ZNF705G: variants seen among roughly 807,000 people sequenced by gnomAD.
ZNF705G encodes putative zinc finger protein 705G.
ZNF705G carries 23 observed loss-of-function variants against 19.6 expected under a neutral mutation model. The ratio of observed to expected loss-of-function variants is 1.17; its 90% CI spans 0.84 to 1.66. The LOEUF is 1.66. Ranked by LOEUF, ZNF705G falls within the 40% of genes most tolerant of loss-of-function variation. The pLI is 0.00. For missense variants in ZNF705G, 457 were observed against 354.4 expected (o/e 1.29, Z -2.32); for synonymous variants, 146 against 117.7 (o/e 1.24, Z -1.56).
rs182900540 is a variant in ZNF705G, at chr8:7,362,244, T to C, written c.12+691A>G. Reference sequence around the variant, plus strand: ...CATAATTAAATAATTATATTTCTTATATGTTACTTTTACTTACCAGAAGGC... The same window carrying C: ...CATAATTAAATAATTATATTTCTTACATGTTACTTTTACTTACCAGAAGGC... On this transcript the variant is annotated intron_variant, in intron 3 of 6. Coordinates refer to ENST00000400156, the MANE Select transcript of ZNF705G (RefSeq NM_001164457.3). 5.1e-3 allele frequency among the ~76,000 whole-genome samples: 769 copies of C among 149,902 alleles called. 93 individuals carry two copies. The highest frequency in any genetic ancestry group is 0.018 in the African/African-American group (712 of 39,280).
rs571900867 is a variant in ZNF705G at position 7,367,981 on chromosome 8, C to T, written c.-71-4964G>A. On this transcript the variant is annotated intron_variant, in intron 2 of 6. Coordinates refer to ENST00000400156, the MANE Select transcript of ZNF705G (RefSeq NM_001164457.3). The stretch of plus-strand genomic sequence containing the variant: ...TTGGAGGATGCAGTGAACTTATCTA[C>T]CTTCCAAGGCAAGTCCCACAAGCAA... Among the ~76,000 whole-genome samples the T allele has an allele frequency of 2.0e-5, 3 of 149,784 alleles. 1 individual carries two copies. The highest frequency in any genetic ancestry group is 7.7e-5 in the African/African-American group (3 of 39,194).
chr8:7,383,022 A>G, intron 1 of ZNF705G, among the ~76,000 whole-genome samples: 1 of 148,310 alleles, frequency 6.7e-6, no homozygotes, highest in Non-Finnish European at 1.5e-5. Flanking sequence ...TATAAATGAG[A>G]GCACTTGGTT....
chr8:7,359,582 A>G, intron 6 of ZNF705G, 37 bp downstream of exon 6: 1 of 1,603,208 alleles, frequency 6.2e-7, no homozygotes, highest in Non-Finnish European at 8.5e-7. Flanking sequence ...ACATGTCTTT[A>G]ACTTAGATGA....
chr8:7,378,789 C>G (rs1807354022), intron 2 of ZNF705G, among the ~76,000 whole-genome samples: 1 of 146,042 alleles, frequency 6.8e-6, no homozygotes, highest in Admixed American at 6.6e-5. Flanking sequence ...ATTGGGCCCA[C>G]CTGGATAATC....
At position 7,375,988 on chromosome 8, in the gene ZNF705G, C is replaced by T. The variant is rs560646943; in HGVS notation, c.-72+5464G>A. Among the ~76,000 whole-genome samples the T allele has an allele frequency of 2.3e-5, 2 of 86,198 alleles. 1 individual carries two copies. Among genetic ancestry groups the T allele is most frequent in the African/African-American group, 1.1e-4 (2 of 17,970 alleles). 56.5% of individuals were successfully genotyped at this position (86,198 alleles called of 152,430 possible). A position where few individuals can be genotyped will look rare whatever the true frequency, so the allele number is the denominator to read the frequency against. On this transcript the variant is annotated intron_variant, in intron 2 of 6. Coordinates refer to ENST00000400156, the MANE Select transcript of ZNF705G (RefSeq NM_001164457.3). ...TCTACACTATACTAATCTCTTATGA[C>T]TCTTCCAGCTGCAAAGGGCCAATTT...
intron 6 of ZNF705G, among the ~76,000 whole-genome samples, chr8:7,359,046 T>C (rs1806438715): frequency 6.7e-6 from 1 of 149,668 alleles, no homozygotes; most frequent in Admixed American, 6.6e-5. Context: ...TGTCATCTTA[T>C]GTAAAAAAAT....
In ZNF705G at chr8:7,361,252, C is replaced by T; in HGVS notation, c.13-16G>A. On this transcript the variant is annotated splice_polypyrimidine_tract_variant and intron_variant, in intron 3 of 6. Coordinates refer to ENST00000400156, the MANE Select transcript of ZNF705G (RefSeq NM_001164457.3). ...TCAGTTTCTTCTAAAACATCACAGA[C>T]ATTTTAGTTTAGACAGAGAAATTCC... 6.3e-7 allele frequency: 1 copy of T among 1,592,512 alleles called. No individual in the cohort carries two copies. Among genetic ancestry groups the T allele is most frequent in the Non-Finnish European group, 8.5e-7 (1 of 1,179,292 alleles).
At chr8:7,360,994 T>C in intron 4 of ZNF705G, 116 bp downstream of exon 4, 3 of 1,566,558 alleles carry the variant, frequency 1.9e-6, no homozygotes, top group Admixed American at 1.7e-5. Context: ...TCAGATGAGA[T>C]CTGTGAGAGA....
At chr8:7,382,406 G>T (rs1807538206) in intron 1 of ZNF705G, among the ~76,000 whole-genome samples, 1 of 146,430 alleles carries the variant, frequency 6.8e-6, no homozygotes, top group South Asian at 2.1e-4. Flanking sequence ...GAGGTTTGGT[G>T]CCTTTTTTCC....
At chr8:7,359,739 A>G (rs1158828475) in intron 5 of ZNF705G, 38 bp from the exon 6 acceptor site, 2 of 1,604,966 alleles carry the variant, frequency 1.2e-6, no homozygotes, top group Non-Finnish European at 1.7e-6. Flanking sequence ...CATTGGTATT[A>G]TGGTAATAAA....
In ZNF705G at chr8:7,364,611, C is replaced by T. The variant is rs1404508393; in HGVS notation, c.-71-1594G>A. Among the ~76,000 whole-genome samples the T allele has an allele frequency of 6.9e-4, 104 of 149,754 alleles. 4 individuals carry two copies. Among genetic ancestry groups the T allele is most frequent in the African/African-American group, 1.5e-3 (59 of 39,130 alleles). On this transcript the variant is annotated intron_variant, in intron 2 of 6. Coordinates refer to ENST00000400156, the MANE Select transcript of ZNF705G (RefSeq NM_001164457.3). The stretch of plus-strand genomic sequence containing the variant: ...TTGACAAAATTACTCCCCTAACCAA[C>T]GTTCTCTATGATTCTGGGGACTCCA...
rs1209899304 is a variant in ZNF705G, at chr8:7,356,855, T to A, written c.*1121A>T. 1 of 149,986 alleles carries A rather than the reference T, an allele frequency of 6.7e-6. No individual in the cohort carries two copies. Among genetic ancestry groups the A allele is most frequent in the African/African-American group, 2.5e-5 (1 of 39,326 alleles). 9.3% of individuals were successfully genotyped at this position (149,986 alleles called of 1,614,324 possible). On this transcript the variant is annotated 3_prime_UTR_variant, in exon 7 of 7. Coordinates refer to ENST00000400156, the MANE Select transcript of ZNF705G (RefSeq NM_001164457.3). Reference sequence around the variant, plus strand: ...TGTAAGTATTGATCTTTTGGAAAAGTTTAATGAGATTTCTTATATAATTCT... The same window carrying A: ...TGTAAGTATTGATCTTTTGGAAAAGATTAATGAGATTTCTTATATAATTCT...
chr8:7,379,371 A>G lies in ZNF705G; in HGVS notation c.-72+2081T>C, dbSNP rs981444578. Among the ~76,000 whole-genome samples the G allele has an allele frequency of 1.8e-4, 26 of 147,526 alleles. 4 individuals carry two copies. The highest frequency in any genetic ancestry group is 6.5e-4 in the African/African-American group (24 of 36,980). On this transcript the variant is annotated intron_variant, in intron 2 of 6. Transcript: ENST00000400156. ...TTGCACTATATAACATTTATTTCTT[A>G]GAAAAGAAGCAGTTTGGACACGTAT...
rs1384571240 is a variant in ZNF705G at position 7,368,630 on chromosome 8, T to C, written c.-71-5613A>G. Among the ~76,000 whole-genome samples, 35 of 149,892 alleles carry C rather than the reference T, an allele frequency of 2.3e-4. 1 individual carries two copies. Among genetic ancestry groups the C allele is most frequent in the Non-Finnish European group, 4.0e-4 (27 of 68,028 alleles). ...TTTGGGTAACTAAAAGGAAAGCAGA[T>C]GCTAATAGAAGAAAATGAAGAAAGG... On this transcript the variant is annotated intron_variant, in intron 2 of 6. Coordinates refer to ENST00000400156, the MANE Select transcript of ZNF705G (RefSeq NM_001164457.3).
intron 6 of ZNF705G, among the ~76,000 whole-genome samples, chr8:7,358,963 C>T (rs1806434543): frequency 6.7e-6 from 1 of 149,618 alleles, no homozygotes; most frequent in African/African-American, 2.6e-5. Context: ...GATTGTCTCC[C>T]TGCCCCATTT....
At chr8:7,367,186 G>C (rs1386798044) in intron 2 of ZNF705G, among the ~76,000 whole-genome samples, 1 of 149,522 alleles carries the variant, frequency 6.7e-6, no homozygotes, top group Non-Finnish European at 1.5e-5. Flanking sequence ...TGGGACAAAT[G>C]TCTAATGATA....
chr8:7,372,260 T>G (rs1270396493), intron 2 of ZNF705G, among the ~76,000 whole-genome samples: 3 of 151,988 alleles, frequency 2.0e-5, no homozygotes, highest in African/African-American at 7.3e-5. Context: ...AAAAATATCA[T>G]GAGATGGAAC....
In ZNF705G at chr8:7,369,130, A is replaced by G. The variant is rs540957526; in HGVS notation, c.-71-6113T>C. 4.7e-4 allele frequency among the ~76,000 whole-genome samples: 70 copies of G among 149,614 alleles called. 5 individuals carry two copies. The highest frequency in any genetic ancestry group is 1.7e-3 in the African/African-American group (68 of 39,010). ...CTCGTGAGACTTATTCACTACCACG[A>G]GAACAGCATGGGAGAAACTGCCCCC... On this transcript the variant is annotated intron_variant, in intron 2 of 6. Transcript: ENST00000400156.
chr8:7,364,867 C>G lies in ZNF705G; in HGVS notation c.-71-1850G>C, dbSNP rs187240273. ...TATGTAGTCTATAATTCAAGCAGAA[C>G]AGCTATTCCTTCAAAAAAATAAGAT... On this transcript the variant is annotated intron_variant, in intron 2 of 6. Transcript: ENST00000400156. Among the ~76,000 whole-genome samples the G allele has an allele frequency of 4.4e-4, 66 of 149,610 alleles. 8 individuals are homozygous for G. The highest frequency in any genetic ancestry group is 1.7e-3 in the African/African-American group (66 of 39,026).
Sources: allele counts gnomAD v4.1 joint callset (sites outside exome capture counted in the v4.1 genomes callset), GRCh38; gene constraint gnomAD v4.1.1; transcripts MANE v1.5; gene names NCBI Gene and HGNC (gene_info 2026-07-23, HGNC 2026-07-21).